Variants in PCNT observed in about 807,000 individuals in gnomAD.
The protein encoded by PCNT is kendrin.
Under a neutral mutation model 380.4 loss-of-function variants are expected in PCNT, and 319 were observed. The observed-to-expected ratio is 0.84, with a 90% CI of 0.77 to 0.92. PCNT has a LOEUF of 0.92. Ranked by LOEUF, PCNT falls within the 40% of genes least tolerant of loss-of-function variation. The pLI is 0.00. For missense variants in PCNT, 4,400 were observed against 4,255.3 expected (o/e 1.03, Z -0.95); for synonymous variants, 1,845 against 1,735.2 (o/e 1.06, Z -1.57).
In PCNT at chr21:46,359,491, G is replaced by GTTTTTTTTTTTTTTTTTT. The variant is rs1219693835; in HGVS notation, c.2154+2316_2154+2317insTTTTTTTTTTTTTTTTTT. ...CCAAAAATACACCTGTTTTTTTTTT[G>GTTTTTTTTTTTTTTTTTT]TTTTTTTTTTTTTTTTGAGACAGTG... On this transcript the variant is annotated intron_variant, in intron 13 of 46. Coordinates refer to ENST00000359568, the MANE Select transcript of PCNT (RefSeq NM_006031.6). Among the ~76,000 whole-genome samples the GTTTTTTTTTTTTTTTTTT allele has an allele frequency of 5.4e-4, 36 of 66,070 alleles. 7 individuals are homozygous for GTTTTTTTTTTTTTTTTTT. The highest frequency in any genetic ancestry group is 7.0e-4 in the Non-Finnish European group (22 of 31,478). The allele number at this position is 66,070 out of a possible 152,430, so 43.3% of individuals were successfully genotyped here.
Position 46,349,799 on chromosome 21 carries a change from C to T in PCNT, c.1323C>T (p.Ser441=), listed in dbSNP as rs756913706. The T allele has an allele frequency of 6.0e-5, 97 of 1,613,818 alleles. No homozygotes were observed. The highest frequency in any genetic ancestry group is 7.2e-5 in the Non-Finnish European group (85 of 1,179,944). The change falls in exon 8 of 47, where the codon AGC becomes AGT. Residue 441 remains serine, a synonymous_variant. Coordinates refer to ENST00000359568, the MANE Select transcript of PCNT (RefSeq NM_006031.6). ...LEDLEFKFKE[S]EKEKQLELEN... ...ACTTGGAGTTCAAGTTCAAAGAGAG[C>T]GAGAAAGAAAAACAGCTGGAGGTGG... is the stretch of plus-strand genomic sequence containing the variant.
At position 46,443,856 on chromosome 21, in the gene PCNT, C is replaced by T. The variant is rs757625924; in HGVS notation, c.9747C>T (p.Ser3249=). ...AGTCTCCACCCAGAACCAGAGAGTC[C>T]CCCCCAACCCGGGATGTACCCTCTG... ...QPQSPPRTRE[S]PPTRDVPSGH... The change falls in exon 45 of 47, where the codon TCC becomes TCT. Residue 3249 remains serine, a synonymous_variant. Coordinates refer to ENST00000359568, the MANE Select transcript of PCNT (RefSeq NM_006031.6). The T allele has an allele frequency of 3.7e-6, 6 of 1,613,206 alleles. No individual in the cohort carries two copies. The highest frequency in any genetic ancestry group is 1.8e-4 in the Middle Eastern group (1 of 5,474).
intron 32 of PCNT, among the ~76,000 whole-genome samples, chr21:46,424,124 T>C: frequency 6.6e-6 from 1 of 152,166 alleles, no homozygotes; most frequent in East Asian, 1.9e-4. Context: ...ACTGCTCAGA[T>C]GCAGCCACAG....
intron 2 of PCNT, among the ~76,000 whole-genome samples, chr21:46,332,964 T>C (rs1457589929): frequency 6.6e-6 from 1 of 151,990 alleles, no homozygotes; most frequent in Non-Finnish European, 1.5e-5. Context: ...AAATAAAAAA[T>C]AAGCTGGGCA....
intron 12 of PCNT, 27 bp downstream of exon 12, chr21:46,355,653 G>T (rs2084446222): frequency 6.2e-7 from 1 of 1,611,730 alleles, no homozygotes; most frequent in Non-Finnish European, 8.5e-7. Context: ...TCGCCATGGT[G>T]TCGGCAGGTC....
At position 46,445,674 on chromosome 21, in the gene PCNT, A is replaced by G; in HGVS notation, c.*347A>G. On this transcript the variant is annotated 3_prime_UTR_variant, in exon 47 of 47. Transcript: ENST00000359568. ...AGAATGGCTTCCTGTTGTTTTGTTT[A>G]TTTTCTTAACGTGTACAGATGGAAA... 1 of 296,150 alleles carries G rather than the reference A, an allele frequency of 3.4e-6. No homozygotes were observed. Among genetic ancestry groups the G allele is most frequent in the East Asian group, 6.6e-5 (1 of 15,124 alleles). 18.3% of individuals were successfully genotyped at this position (296,150 alleles called of 1,614,324 possible). A position where few individuals can be genotyped will look rare whatever the true frequency, so the allele number is the denominator to read the frequency against.
Position 46,425,203 on chromosome 21 carries a change from C to T in PCNT, c.7180-628C>T, listed in dbSNP as rs1000948222. Among the ~76,000 whole-genome samples, 2 of 152,126 alleles carry T rather than the reference C, an allele frequency of 1.3e-5. No homozygotes were observed. Among genetic ancestry groups the T allele is most frequent in the Non-Finnish European group, 2.9e-5 (2 of 68,020 alleles). ...TCTGCTTACCCCTCAGCCTCTCTGG[C>T]GAGACAGTCAAGTGTGTGTCCGGAC... On this transcript the variant is annotated intron_variant, in intron 32 of 46. Coordinates refer to ENST00000359568, the MANE Select transcript of PCNT (RefSeq NM_006031.6). The surrounding 1 kb of genome is among the most constrained non-coding windows in gnomAD (Gnocchi z 4.2).
chr21:46,392,230 G>GT (rs950588243), intron 21 of PCNT, among the ~76,000 whole-genome samples: 194 of 151,546 alleles, frequency 1.3e-3, no homozygotes, highest in Non-Finnish European at 1.9e-3. Context: ...TTTTGTTTTT[G>GT]TTTTTTTTGA....
intron 3 of PCNT, among the ~76,000 whole-genome samples, chr21:46,335,974 G>A (rs1215316978): frequency 1.3e-5 from 2 of 151,762 alleles, no homozygotes; most frequent in African/African-American, 2.4e-5. Flanking sequence ...CACTGCACTT[G>A]GCCGGCAAAT....
chr21:46,428,250 G>A, intron 34 of PCNT, 145 bp from the exon 35 acceptor site: 1 of 781,014 alleles, frequency 1.3e-6, no homozygotes, highest in Non-Finnish European at 2.2e-6. Context: ...AGGCCCCAGA[G>A]CTGAGGCCCA....
At chr21:46,345,640 G>A (rs1332486360) in intron 3 of PCNT, among the ~76,000 whole-genome samples, 4 of 152,150 alleles carry the variant, frequency 2.6e-5, no homozygotes, top group African/African-American at 7.2e-5. Context: ...GACCTCAGTG[G>A]CACTTAGTAC....
chr21:46,431,144 G>A (rs2087745641), intron 37 of PCNT: 9 of 1,191,132 alleles, frequency 7.6e-6, no homozygotes, highest in Non-Finnish European at 9.5e-6. Flanking sequence ...AGCCTCTGGT[G>A]GAGTGATTTT....
At chr21:46,435,736 G>T (rs2053420371) in intron 38 of PCNT, among the ~76,000 whole-genome samples, 168 bp from the exon 39 acceptor site, 2 of 151,924 alleles carry the variant, frequency 1.3e-5, no homozygotes, top group South Asian at 4.1e-4. Flanking sequence ...TAGAGGTGGG[G>T]TTTCACTGTG....
chr21:46,349,750 C>T lies in PCNT; in HGVS notation c.1274C>T (p.Ser425Phe). 6.2e-7 allele frequency: 1 copy of T among 1,613,858 alleles called. No homozygotes were observed. Among genetic ancestry groups the T allele is most frequent in the African/African-American group, 1.3e-5 (1 of 75,004 alleles). The change falls in exon 8 of 47, where the codon TCC (serine) becomes TTC (phenylalanine). Residue 425 changes from serine (S) to phenylalanine (F), a missense_variant. Transcript: ENST00000359568. ...AIEKLREDLQ[S>F]EHGRCLEDLE... ...GAGAAGTTACGTGAAGACCTGCAGT[C>T]CGAGCACGGCCGGTGTTTAGAAGAC...
intron 2 of PCNT, among the ~76,000 whole-genome samples, chr21:46,333,404 C>T (rs187332569): frequency 1.3e-5 from 2 of 150,374 alleles, no homozygotes; most frequent in East Asian, 3.9e-4. Context: ...TGCACTCCAG[C>T]CTGGGTGACA....
chr21:46,403,833 T>A (rs13049058), intron 27 of PCNT, among the ~76,000 whole-genome samples: 34 of 79,804 alleles, frequency 4.3e-4, no homozygotes, highest in Admixed American at 7.8e-4. Context: ...GTGAATCAAC[T>A]CAGCGTGGGA....
rs2087784305 is a variant in PCNT at position 46,432,000 on chromosome 21, A to G, written c.8536A>G (p.Thr2846Ala). Residue 2846 changes from threonine to alanine, a missense_variant, in exon 38 of 47, where the codon ACG becomes GCG. Transcript: ENST00000359568. ...EKEVSATLKS[T>A]VEALHTQKRE... is the part of the protein sequence containing the mutation. ...GGAGGTAAGTGCCACACTGAAGTCG[A>G]CGGTGGAAGCCCTGCACACCCAAAA... 1.9e-6 allele frequency: 3 copies of G among 1,613,930 alleles called. No homozygotes were observed. Among genetic ancestry groups the G allele is most frequent in the Non-Finnish European group, 2.5e-6 (3 of 1,180,032 alleles).
chr21:46,412,726 C>A, intron 28 of PCNT, 111 bp from the exon 29 acceptor site: 1 of 1,144,430 alleles, frequency 8.7e-7, no homozygotes, highest in Non-Finnish European at 1.3e-6. Flanking sequence ...TGCCACCTCC[C>A]TCTGGCATCC....
chr21:46,432,364 C>A, intron 38 of PCNT, 149 bp downstream of exon 38: 1 of 749,234 alleles, frequency 1.3e-6, no homozygotes, highest in South Asian at 1.5e-5. Context: ...CACCACACTG[C>A]TGTTACTGTA....
Sources: allele counts gnomAD v4.1 joint callset (sites outside exome capture counted in the v4.1 genomes callset), GRCh38; gene constraint gnomAD v4.1.1; non-coding constraint Gnocchi (gnomAD v3.1); transcripts MANE v1.5; gene names NCBI Gene and HGNC (gene_info 2026-07-23, HGNC 2026-07-21).